Variants in TSC22D1 observed in about 807,000 individuals in gnomAD.
TSC22D1 encodes TSC22 domain family member 1.
Under a neutral mutation model 74.2 loss-of-function variants are expected in TSC22D1, and 9 were observed. The ratio of observed to expected loss-of-function variants is 0.12; its 90% CI spans 0.07 to 0.21. The LOEUF is 0.21. Ranked by LOEUF, TSC22D1 falls within the 10% of genes least tolerant of loss-of-function variation. The probability of loss-of-function intolerance (pLI) is 1.00; values close to 1 mark genes in which losing one functional copy is unlikely to be tolerated. For synonymous variants in TSC22D1, 586 were observed against 492.5 expected, an observed-to-expected ratio of 1.19 and a Z score of -2.51; for missense variants, 1,427 against 1,304.7, an observed-to-expected ratio of 1.09 and a Z score of -1.44.
chr13:44,573,215 G>A lies in TSC22D1; in HGVS notation c.2860C>T (p.Pro954Ser). 1 of 1,614,184 alleles carries A rather than the reference G, an allele frequency of 6.2e-7. No individual in the cohort carries two copies. The highest frequency in any genetic ancestry group is 8.5e-7 in the Non-Finnish European group (1 of 1,180,026). Residue 954 changes from proline to serine, a missense_variant, in exon 1 of 3, where the codon CCG becomes TCG. By Grantham distance (74) the Pro-to-Ser change is moderately conservative. This residue lies in a region of TSC22D1 where 1,343 missense variants were observed against 1,191.5 expected (regional missense o/e 1.13). Coordinates refer to ENST00000458659, the MANE Select transcript of TSC22D1 (RefSeq NM_183422.4). ...SSLAASASLF[P>S]LKVLPLTTPL... is the part of the protein sequence containing the mutation. ...GTCGTCAGCGGTAGCACCTTCAACG[G>A]GAAAAGAGAAGCAGAGGCTGCTAGG...
intron 1 of TSC22D1, among the ~76,000 whole-genome samples, chr13:44,437,669 C>A (rs1344253310): frequency 1.3e-5 from 2 of 152,144 alleles, no homozygotes; most frequent in Non-Finnish European, 2.9e-5. Flanking sequence ...TTGAATTCCA[C>A]ATAAATCTAT....
intron 1 of TSC22D1, among the ~76,000 whole-genome samples, chr13:44,528,084 C>A (rs1880638003): frequency 6.6e-6 from 1 of 152,008 alleles, no homozygotes; most frequent in African/African-American, 2.4e-5. Context: ...CTAGTCAAAT[C>A]CACTATCATA....
At chr13:44,520,739 G>A (rs1191427335) in intron 1 of TSC22D1, among the ~76,000 whole-genome samples, 1 of 152,144 alleles carries the variant, frequency 6.6e-6, no homozygotes, top group African/African-American at 2.4e-5. Context: ...TCAGAATGAA[G>A]GATATCCCAT....
At chr13:44,551,267 T>A (rs1345954424) in intron 1 of TSC22D1, among the ~76,000 whole-genome samples, 2 of 151,710 alleles carry the variant, frequency 1.3e-5, no homozygotes, top group Admixed American at 6.6e-5. Flanking sequence ...CAAGACCCTG[T>A]CTCAAAAACT....
chr13:44,538,610 C>T, intron 1 of TSC22D1: 1 of 985,400 alleles, frequency 1.0e-6, no homozygotes, highest in South Asian at 4.7e-5. Flanking sequence ...GAAATATTTT[C>T]ATGGCCATGT....
intron 1 of TSC22D1, among the ~76,000 whole-genome samples, chr13:44,508,480 G>A (rs1309917106): frequency 2.6e-5 from 4 of 152,040 alleles, no homozygotes; most frequent in African/African-American, 7.2e-5. Flanking sequence ...AAAAGGAAAC[G>A]AATCAGTTTA....
intron 1 of TSC22D1, among the ~76,000 whole-genome samples, chr13:44,530,986 C>G (rs556246823): frequency 7.9e-5 from 12 of 152,234 alleles, no homozygotes; most frequent in Admixed American, 7.2e-4. Flanking sequence ...CCAGCCATCA[C>G]ACAAATAAGG....
chr13:44,561,547 C>T (rs1267797643), intron 1 of TSC22D1, among the ~76,000 whole-genome samples: 4 of 152,152 alleles, frequency 2.6e-5, no homozygotes, highest in African/African-American at 7.2e-5. Context: ...CTATAAACAT[C>T]GGTGTACTTT....
intron 1 of TSC22D1, chr13:44,537,335 T>C (rs1162485601): frequency 4.1e-6 from 4 of 984,848 alleles, no homozygotes; most frequent in African/African-American, 3.5e-5. Context: ...CACTTTTAAA[T>C]AAATAGCTTG....
chr13:44,455,665 G>A (rs748316703), intron 1 of TSC22D1, among the ~76,000 whole-genome samples: 7 of 152,174 alleles, frequency 4.6e-5, no homozygotes, highest in Non-Finnish European at 8.8e-5. Flanking sequence ...TGCAATGATA[G>A]CTCTTTTTTG....
At chr13:44,447,419 T>C (rs1013728780) in intron 1 of TSC22D1, among the ~76,000 whole-genome samples, 7 of 152,186 alleles carry the variant, frequency 4.6e-5, no homozygotes, top group African/African-American at 1.7e-4. Flanking sequence ...TAACTAATTG[T>C]TCTATCATTA....
At chr13:44,443,690 T>C (rs1875386442) in intron 1 of TSC22D1, among the ~76,000 whole-genome samples, 1 of 152,118 alleles carries the variant, frequency 6.6e-6, no homozygotes, top group South Asian at 2.1e-4. Context: ...CTGTCTATAA[T>C]AATCATTGAC....
At chr13:44,445,942 G>A (rs1205887166) in intron 1 of TSC22D1, among the ~76,000 whole-genome samples, 2 of 152,142 alleles carry the variant, frequency 1.3e-5, no homozygotes, top group Non-Finnish European at 2.9e-5. Context: ...ATGAAAAATG[G>A]TACAACCACT....
At chr13:44,567,233 G>T (rs952717770) in intron 1 of TSC22D1, among the ~76,000 whole-genome samples, 2 of 152,144 alleles carry the variant, frequency 1.3e-5, no homozygotes, top group Non-Finnish European at 2.9e-5. Flanking sequence ...CAAGAAATCA[G>T]AAGAGCCTTC....
intron 1 of TSC22D1, among the ~76,000 whole-genome samples, chr13:44,504,183 G>A (rs1362856076): frequency 6.7e-6 from 1 of 148,256 alleles, no homozygotes; most frequent in Non-Finnish European, 1.5e-5. Context: ...GCCAGAAAAA[G>A]CAAGCCTGTA....
intron 1 of TSC22D1, among the ~76,000 whole-genome samples, chr13:44,473,434 G>A (rs942019728): frequency 1.3e-5 from 2 of 152,122 alleles, no homozygotes; most frequent in Non-Finnish European, 2.9e-5. Context: ...GGTCGAGGTT[G>A]CAGTGAACCA....
chr13:44,441,142 G>A (rs1243474377), intron 1 of TSC22D1, among the ~76,000 whole-genome samples: 1 of 152,212 alleles, frequency 6.6e-6, no homozygotes, highest in African/African-American at 2.4e-5. Flanking sequence ...GAATCAGCAG[G>A]CTGGAGTGCA....
Position 44,573,676 on chromosome 13 carries a change from G to A in TSC22D1, c.2399C>T (p.Pro800Leu). The A allele has an allele frequency of 2.5e-6, 4 of 1,614,220 alleles. No homozygotes were observed. The highest frequency in any genetic ancestry group is 3.4e-6 in the Non-Finnish European group (4 of 1,180,038). The stretch of plus-strand genomic sequence containing the variant: ...TGGTTCTACTCCTTGTGGCTGGGGA[G>A]GCACAGTTAACAAGGAACTTTGGGA... ...IASQSSLLTV[P>L]PQPQGVEPVA... Residue 800 changes from proline to leucine, a missense_variant, in exon 1 of 3, where the codon CCT becomes CTT. Physicochemically the swap from Pro to Leu is moderately conservative, Grantham distance 98. This residue lies in a region of TSC22D1 where 1,343 missense variants were observed against 1,191.5 expected (regional missense o/e 1.13). Transcript: ENST00000458659.
intron 1 of TSC22D1, among the ~76,000 whole-genome samples, chr13:44,531,951 T>C (rs56049799): frequency 0.017 from 2,527 of 151,882 alleles, 59 homozygotes; most frequent in African/African-American, 0.058. Context: ...ATTTTAATTA[T>C]GTTACTAAAC....
Sources: gnomAD v4.1 joint callset for allele counts (sites outside exome capture counted in the v4.1 genomes callset) on GRCh38, gnomAD v4.1.1 for gene constraint, gnomAD v4.1.1 regional missense constraint, MANE v1.5 for transcripts, NCBI Gene and HGNC (gene_info 2026-07-23, HGNC 2026-07-21) for gene names.